AGMO: variants seen among roughly 807,000 people sequenced by gnomAD.
AGMO encodes glyceryl-ether monooxygenase.
AGMO carries 75 observed loss-of-function variants against 60.2 expected under a neutral mutation model. The observed-to-expected ratio is 1.25, with a 90% CI of 1.03 to 1.51. The LOEUF is 1.51. AGMO is among the 40% of genes most tolerant of loss of function. The probability of loss-of-function intolerance (pLI) is 0.00; values close to 1 mark genes in which losing one functional copy is unlikely to be tolerated. For synonymous variants in AGMO, 261 were observed against 177.1 expected, an observed-to-expected ratio of 1.47 and a Z score of -3.76; for missense variants, 763 against 525.5, an observed-to-expected ratio of 1.45 and a Z score of -4.42.
intron 12 of AGMO, among the ~76,000 whole-genome samples, chr7:15,331,754 C>A (rs1781503623): frequency 6.6e-6 from 1 of 152,060 alleles, no homozygotes; most frequent in African/African-American, 2.4e-5. Flanking sequence ...TGGAGAAACC[C>A]CATCTCTACT....
intron 3 of AGMO, among the ~76,000 whole-genome samples, chr7:15,526,210 T>G (rs1321211748): frequency 2.6e-5 from 4 of 152,090 alleles, no homozygotes; most frequent in Admixed American, 2.0e-4. Context: ...TGGCCGAAGG[T>G]CTCTAGCTGG....
At chr7:15,384,110 G>T (rs993672189) in intron 10 of AGMO, among the ~76,000 whole-genome samples, 1 of 151,912 alleles carries the variant, frequency 6.6e-6, no homozygotes. Context: ...ACTTATTTTT[G>T]TATTTTTCAG....
chr7:15,456,872 C>T (rs769918318), intron 3 of AGMO, among the ~76,000 whole-genome samples: 4 of 152,134 alleles, frequency 2.6e-5, no homozygotes, highest in Non-Finnish European at 5.9e-5. Flanking sequence ...AGTTTTGTTG[C>T]AGTACCTTCC....
At chr7:15,272,377 G>A (rs1407740668) in intron 12 of AGMO, among the ~76,000 whole-genome samples, 1 of 149,674 alleles carries the variant, frequency 6.7e-6, no homozygotes, top group Non-Finnish European at 1.5e-5. Context: ...AGAACATGCG[G>A]TGTTTGGTTT....
At chr7:15,322,525 T>A (rs1456734793) in intron 12 of AGMO, among the ~76,000 whole-genome samples, 3 of 75,928 alleles carry the variant, frequency 4.0e-5, no homozygotes, top group African/African-American at 6.9e-5. Context: ...TAAATATATA[T>A]AAATATATAA....
intron 1 of AGMO, among the ~76,000 whole-genome samples, chr7:15,560,606 G>T (rs1286078629): frequency 6.6e-6 from 1 of 152,040 alleles, no homozygotes; most frequent in Non-Finnish European, 1.5e-5. Flanking sequence ...ATAATTAGAG[G>T]TCTATTGTCT....
intron 5 of AGMO, among the ~76,000 whole-genome samples, chr7:15,397,941 A>G (rs13242014): frequency 0.36 from 55,054 of 152,088 alleles, 10,322 homozygotes; most frequent in African/African-American, 0.45. Flanking sequence ...GTGAAAAACT[A>G]TTTGTTAAGA....
chr7:15,396,742 T>A (rs934834850), intron 5 of AGMO: 2 of 151,696 alleles, frequency 1.3e-5, no homozygotes, highest in African/African-American at 4.9e-5. Flanking sequence ...AGAGAGCTGA[T>A]TGGTCCATTT....
chr7:15,341,540 CAT>C (rs1398341751), intron 12 of AGMO, among the ~76,000 whole-genome samples: 2 of 152,168 alleles, frequency 1.3e-5, no homozygotes, highest in African/African-American at 2.4e-5. Context: ...AAGTTTCCCA[CAT>C]CTTTCTGTCT....
intron 12 of AGMO, among the ~76,000 whole-genome samples, chr7:15,249,247 A>G (rs1463385403): frequency 6.6e-6 from 1 of 152,204 alleles, no homozygotes; most frequent in Non-Finnish European, 1.5e-5. Context: ...ATAGAATATT[A>G]GTGATGTATG....
At chr7:15,514,131 C>A (rs970501427) in intron 3 of AGMO, among the ~76,000 whole-genome samples, 1 of 152,146 alleles carries the variant, frequency 6.6e-6, no homozygotes, top group Non-Finnish European at 1.5e-5. Context: ...TCCTCATTGA[C>A]ATTTCCACTT....
At chr7:15,359,305 AAAG>A (rs1782661074) in intron 12 of AGMO, among the ~76,000 whole-genome samples, 2 of 151,528 alleles carry the variant, frequency 1.3e-5, no homozygotes, top group African/African-American at 4.8e-5. Context: ...AAAAAAAAAA[AAAG>A]AAATTAGATT....
intron 12 of AGMO, among the ~76,000 whole-genome samples, chr7:15,258,370 T>C (rs1209139850): frequency 6.6e-6 from 1 of 151,906 alleles, no homozygotes; most frequent in Non-Finnish European, 1.5e-5. Context: ...CCAAATTACC[T>C]GTTGATTCAC....
At chr7:15,339,648 T>C (rs967896816) in intron 12 of AGMO, among the ~76,000 whole-genome samples, 1 of 152,174 alleles carries the variant, frequency 6.6e-6, no homozygotes, top group Non-Finnish European at 1.5e-5. Context: ...ATTAAAGTTA[T>C]ATAGACTGTT....
chr7:15,268,676 T>C (rs887919988), intron 12 of AGMO, among the ~76,000 whole-genome samples: 2 of 151,700 alleles, frequency 1.3e-5, no homozygotes, highest in African/African-American at 4.9e-5. Context: ...AAATGATACA[T>C]AGTCAAATAA....
chr7:15,118,501 C>A, the AGMO span, among the ~76,000 whole-genome samples: 2 of 152,060 alleles, frequency 1.3e-5, no homozygotes, highest in African/African-American at 4.8e-5. Flanking sequence ...CTTGGTCTAT[C>A]ACAGTTTCCC....
At chr7:15,382,303 C>G (rs960793978) in intron 10 of AGMO, among the ~76,000 whole-genome samples, 1 of 152,156 alleles carries the variant, frequency 6.6e-6, no homozygotes, top group African/African-American at 2.4e-5. Flanking sequence ...TCTCCCATTT[C>G]TTTTGTACTA....
chr7:15,220,776 C>CTAT (rs1413935326), intron 12 of AGMO, among the ~76,000 whole-genome samples: 1 of 151,850 alleles, frequency 6.6e-6, no homozygotes, highest in Non-Finnish European at 1.5e-5. Flanking sequence ...ACAACATATG[C>CTAT]TATTATTATT....
chr7:15,447,260 T>G (rs1254187006), intron 3 of AGMO, among the ~76,000 whole-genome samples: 1 of 152,076 alleles, frequency 6.6e-6, no homozygotes, highest in Non-Finnish European at 1.5e-5. Context: ...GACGTAAGAG[T>G]TTAGTGATCA....
Sources: allele counts gnomAD v4.1 joint callset (sites outside exome capture counted in the v4.1 genomes callset), GRCh38; gene constraint gnomAD v4.1.1; transcripts MANE v1.5; gene names NCBI Gene and HGNC (gene_info 2026-07-23, HGNC 2026-07-21).